NME7: variants seen among roughly 807,000 people sequenced by gnomAD.
NME7 encodes nucleoside diphosphate kinase 7.
Under a neutral mutation model 49.1 loss-of-function variants are expected in NME7, and 41 were observed. The observed-to-expected ratio is 0.83, with a 90% CI of 0.65 to 1.08. The LOEUF (loss-of-function observed/expected upper bound fraction) is 1.08. NME7 is among the 50% of genes least tolerant of loss of function. The pLI is 0.00. For synonymous variants in NME7, 139 were observed against 150.6 expected (o/e 0.92, Z 0.56); for missense variants, 423 against 463.4 (o/e 0.91, Z 0.80).
At chr1:169,312,817 T>G (rs897319765) in intron 3 of NME7, among the ~76,000 whole-genome samples, 4 of 152,208 alleles carry the variant, frequency 2.6e-5, no homozygotes, top group Non-Finnish European at 5.9e-5. Flanking sequence ...TGCAGTGCTA[T>G]GGACTCTTTA....
chr1:169,307,297 T>C (rs531440675), intron 4 of NME7, among the ~76,000 whole-genome samples: 1 of 152,308 alleles, frequency 6.6e-6, no homozygotes, highest in Non-Finnish European at 1.5e-5. Flanking sequence ...TAAGACACTA[T>C]GGACATAGGG....
In NME7 at chr1:169,323,211, TAAATA is replaced by T; in HGVS notation, c.179_183del (p.Leu60TyrfsTer16). The T allele has an allele frequency of 6.2e-7, 1 of 1,608,998 alleles. No individual in the cohort carries two copies. Among genetic ancestry groups the T allele is most frequent in the Non-Finnish European group, 8.5e-7 (1 of 1,177,678 alleles). ...GAAAAGACATTCACTTTGTTGCCTA[TAAATA>T]AATCTTCCAAGTGCAGGTTATCATA... On this transcript the variant is annotated frameshift_variant, in exon 3 of 12. Transcript: ENST00000367811. LOFTEE classifies it high-confidence loss of function.
chr1:169,169,387 A>G, intron 11 of NME7, 60 bp downstream of exon 11: 1 of 1,448,776 alleles, frequency 6.9e-7, no homozygotes, highest in Non-Finnish European at 9.6e-7. Context: ...ACACATCAGA[A>G]CTCCTGAGAT....
intron 1 of NME7, among the ~76,000 whole-genome samples, chr1:169,340,825 G>A (rs1652667398): frequency 6.6e-6 from 1 of 152,182 alleles, no homozygotes; most frequent in Admixed American, 6.5e-5. Flanking sequence ...ATGATTTAGG[G>A]TATCTGGCAG....
intron 1 of NME7, among the ~76,000 whole-genome samples, chr1:169,364,967 A>G (rs1485277360): frequency 6.6e-6 from 1 of 152,220 alleles, no homozygotes; most frequent in Non-Finnish European, 1.5e-5. Context: ...CAGAGGTCAC[A>G]AGATTTGTAA....
At chr1:169,280,635 G>C (rs1649969841) in intron 7 of NME7, among the ~76,000 whole-genome samples, 1 of 147,704 alleles carries the variant, frequency 6.8e-6, no homozygotes, top group Non-Finnish European at 1.5e-5. Flanking sequence ...TTTTGTAAAA[G>C]GTGTAAGGAA....
intron 1 of NME7, among the ~76,000 whole-genome samples, chr1:169,361,919 ACT>A (rs1653672593): frequency 1.3e-5 from 2 of 152,042 alleles, no homozygotes; most frequent in African/African-American, 4.8e-5. Context: ...GTCTTTGAAA[ACT>A]CTGTTAAAAA....
rs527856685 is a variant in NME7 at position 169,274,899 on chromosome 1, G to A, written c.754+12404C>T. Among the ~76,000 whole-genome samples the A allele has an allele frequency of 2.9e-3, 383 of 133,340 alleles. 84 individuals carry two copies. The highest frequency in any genetic ancestry group is 5.3e-3 in the Non-Finnish European group (298 of 56,726). 87.5% of individuals were successfully genotyped at this position (133,340 alleles called of 152,430 possible). A position where few individuals can be genotyped will look rare whatever the true frequency, so the allele number is the denominator to read the frequency against. On this transcript the variant is annotated intron_variant, in intron 7 of 11. Coordinates refer to ENST00000367811, the MANE Select transcript of NME7 (RefSeq NM_013330.5). ...GTAGTATAGTTTGAAGTCAGGTAGC[G>A]TGATGCCTCCAGCTTTGTTCTTTTG... is the stretch of plus-strand genomic sequence containing the variant.
intron 11 of NME7, among the ~76,000 whole-genome samples, chr1:169,153,954 C>T (rs1463039304): frequency 6.6e-6 from 1 of 151,880 alleles, no homozygotes; most frequent in Non-Finnish European, 1.5e-5. Flanking sequence ...ATCTTCTTGC[C>T]TTGGTCTTTC....
At chr1:169,175,266 T>C (rs1045711397) in intron 10 of NME7, among the ~76,000 whole-genome samples, 1 of 152,090 alleles carries the variant, frequency 6.6e-6, no homozygotes, top group Non-Finnish European at 1.5e-5. Flanking sequence ...TTAGGGACAA[T>C]AACACACATA....
chr1:169,229,028 T>C (rs1298820333), intron 10 of NME7, among the ~76,000 whole-genome samples: 1 of 152,208 alleles, frequency 6.6e-6, no homozygotes, highest in Non-Finnish European at 1.5e-5. Flanking sequence ...GCCTCTGACT[T>C]TAATCTCTTC....
intron 9 of NME7, among the ~76,000 whole-genome samples, chr1:169,234,541 T>C (rs1303438610): frequency 6.6e-6 from 1 of 152,148 alleles, no homozygotes; most frequent in Non-Finnish European, 1.5e-5. Context: ...GTACTTTTAA[T>C]ATGTGAGACA....
chr1:169,270,864 C>G lies in NME7; in HGVS notation c.754+16439G>C, dbSNP rs140026538. On this transcript the variant is annotated intron_variant, in intron 7 of 11. Coordinates refer to ENST00000367811, the MANE Select transcript of NME7 (RefSeq NM_013330.5). ...ATCCCATAGCTAGTAAGTGGCAGAG[C>G]CAGAATTCAAACCTAAACAGCCTGA... Among the ~76,000 whole-genome samples, 92 of 133,268 alleles carry G rather than the reference C, an allele frequency of 6.9e-4. 11 individuals carry two copies. The East Asian group carries it at 0.012, about 17-fold the overall frequency. The allele number at this position is 133,268 out of a possible 152,430, so 87.4% of individuals were successfully genotyped here.
intron 7 of NME7, among the ~76,000 whole-genome samples, chr1:169,252,462 C>G (rs1212060762): frequency 6.6e-6 from 1 of 151,936 alleles, no homozygotes; most frequent in Non-Finnish European, 1.5e-5. Flanking sequence ...TGGATATTAG[C>G]CCTTTGTCAG....
chr1:169,233,527 A>G (rs758927588), intron 9 of NME7, among the ~76,000 whole-genome samples: 10 of 152,320 alleles, frequency 6.6e-5, no homozygotes, highest in Middle Eastern at 3.4e-3. Context: ...ACGATACACA[A>G]CATCAAAGTA....
At chr1:169,189,367 T>C (rs568685401) in intron 10 of NME7, among the ~76,000 whole-genome samples, 1 of 152,320 alleles carries the variant, frequency 6.6e-6, no homozygotes, top group East Asian at 1.9e-4. Flanking sequence ...TTCAATTTGC[T>C]ATTTAAACTT....
At chr1:169,196,276 C>T (rs1660377252) in intron 10 of NME7, among the ~76,000 whole-genome samples, 1 of 152,132 alleles carries the variant, frequency 6.6e-6, no homozygotes, top group East Asian at 1.9e-4. Context: ...TAAAGCGCAA[C>T]CATTTCTTTT....
At chr1:169,353,018 T>A (rs1653235979) in intron 1 of NME7, among the ~76,000 whole-genome samples, 2 of 151,900 alleles carry the variant, frequency 1.3e-5, no homozygotes, top group Admixed American at 1.3e-4. Context: ...AAAATATCAA[T>A]GATATTCTTC....
At chr1:169,179,812 C>CA (rs1659872535) in intron 10 of NME7, among the ~76,000 whole-genome samples, 1 of 152,080 alleles carries the variant, frequency 6.6e-6, no homozygotes, top group South Asian at 2.1e-4. Context: ...TGGGGCCTGT[C>CA]AGAGGACCAG....
Sources: gnomAD v4.1 joint callset for allele counts (sites outside exome capture counted in the v4.1 genomes callset) on GRCh38, gnomAD v4.1.1 for gene constraint, MANE v1.5 for transcripts, NCBI Gene and HGNC (gene_info 2026-07-23, HGNC 2026-07-21) for gene names.